TCF12: variants seen among roughly 807,000 people sequenced by gnomAD.
TCF12 encodes DNA-binding protein HTF4.
Under a neutral mutation model 86.0 loss-of-function variants are expected in TCF12, and 45 were observed. That is an observed-to-expected ratio of 0.52 (90% CI 0.41 to 0.67). The LOEUF is 0.67. Ranked by LOEUF, TCF12 falls within the 30% of genes least tolerant of loss-of-function variation. The pLI is 0.00. For missense variants in TCF12, 881 were observed against 859.9 expected (o/e 1.02, Z -0.31); for synonymous variants, 330 against 299.6 (o/e 1.10, Z -1.05).
intron 5 of TCF12, among the ~76,000 whole-genome samples, chr15:57,104,435 CTTTTTTTTTT>C (rs71113062): frequency 9.7e-6 from 1 of 103,362 alleles, no homozygotes; most frequent in South Asian, 2.9e-4. Context: ...TTTTTTTTTT[CTTTTTTTTTT>C]TTTTTTTTTT....
In TCF12 at chr15:57,262,105, T is replaced by C. The variant is rs201578002; in HGVS notation, c.1479T>C (p.His493=). 1.5e-5 allele frequency: 24 copies of C among 1,611,998 alleles called. No homozygotes were observed. In the African/African-American group the frequency reaches 2.9e-4, roughly 20 times the overall value. The part of the protein sequence containing the change: ...SSRSASMVGT[H]REDSVSLNGN... Reference sequence around the variant, plus strand: ...TTCCTTAACTTTAGGTTGGAACTCATCGGGAAGACTCTGTCAGTCTCAATG... The same window carrying C: ...TTCCTTAACTTTAGGTTGGAACTCACCGGGAAGACTCTGTCAGTCTCAATG... Residue 493 remains histidine, a synonymous_variant, in exon 17 of 21, where the codon CAT becomes CAC. Coordinates refer to ENST00000333725, the MANE Select transcript of TCF12 (RefSeq NM_207037.2).
chr15:57,163,045 G>T (rs536398159), intron 5 of TCF12, among the ~76,000 whole-genome samples: 1 of 151,872 alleles, frequency 6.6e-6, no homozygotes, highest in Non-Finnish European at 1.5e-5. Context: ...GTGGTGGCAC[G>T]CCCCTGTAGT....
chr15:57,237,897 T>C (rs1566965061), intron 12 of TCF12, among the ~76,000 whole-genome samples: 1 of 152,196 alleles, frequency 6.6e-6, no homozygotes, highest in Non-Finnish European at 1.5e-5. Context: ...AAAGGCTGTG[T>C]TATCATGCTT....
intron 5 of TCF12, among the ~76,000 whole-genome samples, chr15:57,111,170 T>C (rs1266982897): frequency 1.3e-5 from 2 of 152,132 alleles, no homozygotes; most frequent in African/African-American, 2.4e-5. Context: ...TAGCTAGCGC[T>C]GAATGGACTT....
chr15:56,989,006 G>GTTTACTGGTTATAGT (rs1372021549), intron 3 of TCF12, among the ~76,000 whole-genome samples: 2 of 152,022 alleles, frequency 1.3e-5, no homozygotes, highest in Non-Finnish European at 2.9e-5. Flanking sequence ...TTATAGCAAT[G>GTTTACTGGTTATAGT]ACAATTTACT....
At chr15:56,928,435 C>A (rs1264091491) in intron 3 of TCF12, among the ~76,000 whole-genome samples, 4 of 151,930 alleles carry the variant, frequency 2.6e-5, no homozygotes, top group African/African-American at 9.7e-5. Context: ...AATTTATGGG[C>A]ATTATCTCAT....
Position 57,251,337 on chromosome 15 carries a change from T to C in TCF12, c.1115-13T>C, listed in dbSNP as rs2060107557. On this transcript the variant is annotated splice_polypyrimidine_tract_variant and intron_variant, in intron 13 of 20. Coordinates refer to ENST00000333725, the MANE Select transcript of TCF12 (RefSeq NM_207037.2). ...GTTAACCCAGGTGTGTGGCTACTTT[T>C]GGGTTTTAACAGGTACCAGTCAGTG... is the stretch of plus-strand genomic sequence containing the variant. The C allele has an allele frequency of 6.2e-7, 1 of 1,613,580 alleles. No individual in the cohort carries two copies. Among genetic ancestry groups the C allele is most frequent in the African/African-American group, 1.3e-5 (1 of 74,916 alleles).
chr15:57,282,571 C>G lies in TCF12; in HGVS notation c.2105C>G (p.Pro702Arg). 1 of 1,614,086 alleles carries G rather than the reference C, an allele frequency of 6.2e-7. No homozygotes were observed. Residue 702 changes from proline (P) to arginine (R), a missense_variant, in exon 20 of 21, where the codon CCT (proline) becomes CGT (arginine). Physicochemically the swap from Pro to Arg is moderately radical, Grantham distance 103. Around this residue, in one of 3 missense-constraint regions of TCF12, gnomAD observed 69 missense variants for 64.2 expected, o/e 1.07. Coordinates refer to ENST00000333725, the MANE Select transcript of TCF12 (RefSeq NM_207037.2). ...THPGLSETTN[P>R]MGHM ...CCTGGGCTTAGTGAAACTACCAACCCTATGGGTCATATGTAAACATCAGCC... is the reference window on the plus strand; with the variant it reads ...CCTGGGCTTAGTGAAACTACCAACCGTATGGGTCATATGTAAACATCAGCC...
chr15:57,174,594 A>G (rs754265731), intron 6 of TCF12, among the ~76,000 whole-genome samples: 30 of 152,214 alleles, frequency 2.0e-4, no homozygotes, highest in South Asian at 4.1e-4. Flanking sequence ...AGTAAGTTGA[A>G]TTTGCTGATG....
chr15:57,258,412 C>CA (rs1487728675), intron 16 of TCF12, among the ~76,000 whole-genome samples: 1 of 152,200 alleles, frequency 6.6e-6, no homozygotes, highest in Non-Finnish European at 1.5e-5. Flanking sequence ...GTAACTCCAT[C>CA]AAAACACCTT....
intron 3 of TCF12, among the ~76,000 whole-genome samples, chr15:57,055,891 A>G (rs2067980651): frequency 6.6e-6 from 1 of 151,852 alleles, no homozygotes; most frequent in Non-Finnish European, 1.5e-5. Flanking sequence ...TTTTTCTACC[A>G]TATTTTCTTT....
At chr15:56,965,607 G>A (rs1213079253) in intron 3 of TCF12, among the ~76,000 whole-genome samples, 1 of 152,094 alleles carries the variant, frequency 6.6e-6, no homozygotes, top group Non-Finnish European at 1.5e-5. Context: ...AATATTCATT[G>A]AAGAAATAGT....
chr15:57,031,905 G>A (rs572165165), intron 3 of TCF12, among the ~76,000 whole-genome samples: 58 of 152,260 alleles, frequency 3.8e-4, no homozygotes, highest in African/African-American at 1.4e-3. Context: ...GCCGTTGCAT[G>A]CAGGAACCAA....
chr15:57,080,621 C>G (rs1405499805), intron 4 of TCF12, among the ~76,000 whole-genome samples: 1 of 152,112 alleles, frequency 6.6e-6, no homozygotes, highest in East Asian at 1.9e-4. Flanking sequence ...GTTGAGCATT[C>G]AATTGATGTT....
intron 8 of TCF12, among the ~76,000 whole-genome samples, chr15:57,202,000 G>A (rs1188580318): frequency 1.3e-5 from 2 of 152,194 alleles, no homozygotes; most frequent in Non-Finnish European, 2.9e-5. Flanking sequence ...ATCCTTTACA[G>A]CCTCAGTGTC....
rs146104542 is a variant in TCF12 at position 57,054,907 on chromosome 15, A to G, written c.149-8843A>G. On this transcript the variant is annotated intron_variant, in intron 3 of 20. Coordinates refer to ENST00000333725, the MANE Select transcript of TCF12 (RefSeq NM_207037.2). ...AAAAGGCAGAACTCTTGACCTTATT[A>G]TAGGTCTATTTACTGCCTTCCTTTA... Among the ~76,000 whole-genome samples the G allele has an allele frequency of 3.7e-3, 541 of 147,600 alleles. 2 individuals are homozygous for G. Among genetic ancestry groups the G allele is most frequent in the African/African-American group, 0.013 (524 of 39,974 alleles).
intron 3 of TCF12, among the ~76,000 whole-genome samples, chr15:57,006,819 G>T (rs778669528): frequency 1.3e-5 from 2 of 152,090 alleles, no homozygotes; most frequent in African/African-American, 2.4e-5. Context: ...GGGAGGCTGA[G>T]GTGGGAGGAT....
In TCF12 at chr15:57,110,851, C is replaced by G. The variant is rs369030815; in HGVS notation, c.325+18960C>G. ...TAAAAAGATTGAAACACTCTAGAAGCTTTACCTTCAGATTATTGCCAACAT... is the reference window on the plus strand; with the variant it reads ...TAAAAAGATTGAAACACTCTAGAAGGTTTACCTTCAGATTATTGCCAACAT... On this transcript the variant is annotated intron_variant, in intron 5 of 20. Transcript: ENST00000333725. Among the ~76,000 whole-genome samples the G allele has an allele frequency of 3.0e-4, 45 of 152,216 alleles. No individual in the cohort carries two copies. The East Asian group carries it at 7.5e-3, about 25-fold the overall frequency.
At chr15:57,244,162 A>G (rs546783819) in intron 13 of TCF12, among the ~76,000 whole-genome samples, 1 of 152,292 alleles carries the variant, frequency 6.6e-6, no homozygotes, top group Non-Finnish European at 1.5e-5. Flanking sequence ...TACAGGTGTC[A>G]GCCGCCATAC....
Sources: gnomAD v4.1 joint callset for allele counts (sites outside exome capture counted in the v4.1 genomes callset) on GRCh38, gnomAD v4.1.1 for gene constraint, gnomAD v4.1.1 regional missense constraint, MANE v1.5 for transcripts, NCBI Gene and HGNC (gene_info 2026-07-23, HGNC 2026-07-21) for gene names.